HS3ST4: variants seen among roughly 807,000 people sequenced by gnomAD.
HS3ST4 encodes the protein heparan sulfate glucosamine 3-O-sulfotransferase 4.
Under a neutral mutation model 29.2 loss-of-function variants are expected in HS3ST4, and 17 were observed. The observed-to-expected ratio is 0.58, with a 90% CI of 0.40 to 0.87. The LOEUF is 0.87. HS3ST4 is among the 40% of genes least tolerant of loss of function. The pLI is 0.00. For missense variants in HS3ST4, 627 were observed against 634.5 expected (o/e 0.99, Z 0.13); for synonymous variants, 314 against 285.7 (o/e 1.10, Z -1.00).
At chr16:25,817,846 A>T (rs1967110048) in intron 1 of HS3ST4, among the ~76,000 whole-genome samples, 1 of 152,226 alleles carries the variant, frequency 6.6e-6, no homozygotes, top group African/African-American at 2.4e-5. Flanking sequence ...GGCTAGGGAT[A>T]TAGATCCAGT....
At chr16:25,839,762 T>A (rs183459259) in intron 1 of HS3ST4, among the ~76,000 whole-genome samples, 6 of 152,310 alleles carry the variant, frequency 3.9e-5, no homozygotes, top group Admixed American at 3.3e-4. Flanking sequence ...TAGGATGGAT[T>A]TTTCTGCCTT....
At position 25,692,495 on chromosome 16, in the gene HS3ST4, TG is replaced by T; in HGVS notation, c.79del (p.Ala27LeufsTer123). On this transcript the variant is annotated frameshift_variant, in exon 1 of 2. Transcript: ENST00000331351. LOFTEE classifies it high-confidence loss of function. Reference protein sequence around the residue: ...LAAPPPPGASAKGPPARKLLF... With the variant: ...LAAPPPPGASXKGPPARKLLF... The stretch of plus-strand genomic sequence containing the variant: ...CCGCGCCGCCGCCGCCCGGCGCCTC[TG>T]CTAAGGGGCCGCCGGCGCGCAAGCT... 7.2e-7 allele frequency: 1 copy of T among 1,382,766 alleles called. No individual in the cohort carries two copies. The highest frequency in any genetic ancestry group is 9.5e-7 in the Non-Finnish European group (1 of 1,053,558). The allele number at this position is 1,382,766 out of a possible 1,614,324, so 85.7% of individuals were successfully genotyped here.
At chr16:26,021,985 C>G (rs997795769) in intron 1 of HS3ST4, among the ~76,000 whole-genome samples, 4 of 150,378 alleles carry the variant, frequency 2.7e-5, no homozygotes, top group Admixed American at 2.6e-4. Flanking sequence ...TTTTGGGGGA[C>G]AGGGTCTTGC....
chr16:25,749,901 G>A (rs1966708252), intron 1 of HS3ST4, among the ~76,000 whole-genome samples: 1 of 152,164 alleles, frequency 6.6e-6, no homozygotes, highest in Admixed American at 6.5e-5. Flanking sequence ...ATTCACCGAA[G>A]TAACAGTAGG....
rs1352591423 is a variant in HS3ST4, at chr16:25,984,183, A to G, written c.735-151429A>G. Among the ~76,000 whole-genome samples, 9 of 152,082 alleles carry G rather than the reference A, an allele frequency of 5.9e-5. No homozygotes were observed. The South Asian group carries it at 1.7e-3, about 28-fold the overall frequency. On this transcript the variant is annotated intron_variant, in intron 1 of 1. Transcript: ENST00000331351. The stretch of plus-strand genomic sequence containing the variant: ...CACTAGAACTTATTCCTCCTATCTC[A>G]CTATAATTTTGTATCTTTTAACACA...
Position 25,844,347 on chromosome 16 carries a change from T to A in HS3ST4, c.734+151196T>A, listed in dbSNP as rs538411383. ...AATTTATTTTTATTCATCCAGGGAT[T>A]CTTTACTGAGTGCTAGTTTATCTGA... is the stretch of plus-strand genomic sequence containing the variant. On this transcript the variant is annotated intron_variant, in intron 1 of 1. Coordinates refer to ENST00000331351, the MANE Select transcript of HS3ST4 (RefSeq NM_006040.3). Among the ~76,000 whole-genome samples, 13 of 152,360 alleles carry A rather than the reference T, an allele frequency of 8.5e-5. No homozygotes were observed. In the South Asian group the frequency reaches 2.7e-3, roughly 32 times the overall value.
intron 1 of HS3ST4, among the ~76,000 whole-genome samples, chr16:26,044,939 C>G (rs1337811870): frequency 6.6e-6 from 1 of 152,120 alleles, no homozygotes; most frequent in Non-Finnish European, 1.5e-5. Context: ...AGACCCTGGA[C>G]AGGATTGATT....
intron 1 of HS3ST4, among the ~76,000 whole-genome samples, chr16:25,925,714 C>T (rs1379087939): frequency 2.0e-5 from 3 of 152,152 alleles, no homozygotes; most frequent in African/African-American, 4.8e-5. Context: ...ATGTGTCTTT[C>T]GCAAAGCCAA....
intron 1 of HS3ST4, among the ~76,000 whole-genome samples, chr16:26,098,711 T>C (rs1898957466): frequency 1.3e-5 from 2 of 151,960 alleles, no homozygotes; most frequent in Non-Finnish European, 2.9e-5. Flanking sequence ...TGTGCACATG[T>C]ACCCCAGAAC....
chr16:26,049,631 G>T (rs1310614625), intron 1 of HS3ST4, among the ~76,000 whole-genome samples: 1 of 152,062 alleles, frequency 6.6e-6, no homozygotes, highest in Non-Finnish European at 1.5e-5. Context: ...AAGCAATTCT[G>T]CAGTGGACAC....
chr16:25,870,000 CT>C (rs1967732862), intron 1 of HS3ST4, among the ~76,000 whole-genome samples: 1 of 152,182 alleles, frequency 6.6e-6, no homozygotes, highest in South Asian at 2.1e-4. Flanking sequence ...ATCTCTATCT[CT>C]GAGATATTCA....
At chr16:25,907,815 A>T (rs980891465) in intron 1 of HS3ST4, among the ~76,000 whole-genome samples, 1 of 152,228 alleles carries the variant, frequency 6.6e-6, no homozygotes, top group Non-Finnish European at 1.5e-5. Flanking sequence ...TGGAAGAAAG[A>T]CTGTGATAAA....
intron 1 of HS3ST4, among the ~76,000 whole-genome samples, chr16:25,700,707 T>C (rs958731688): frequency 9.2e-5 from 14 of 152,298 alleles, no homozygotes; most frequent in African/African-American, 3.4e-4. Flanking sequence ...CCTGATTTCA[T>C]TGGTTTTTGC....
intron 1 of HS3ST4, among the ~76,000 whole-genome samples, chr16:25,715,373 T>G (rs1228934710): frequency 1.3e-5 from 2 of 151,554 alleles, no homozygotes; most frequent in Non-Finnish European, 2.9e-5. Context: ...TCAGCGCCTT[T>G]TGTGCCCCAG....
intron 1 of HS3ST4, among the ~76,000 whole-genome samples, chr16:25,995,263 A>G (rs1969148903): frequency 6.6e-6 from 1 of 152,214 alleles, no homozygotes; most frequent in South Asian, 2.1e-4. Flanking sequence ...GATTTAAGTA[A>G]ATAAGAGAAT....
intron 1 of HS3ST4, among the ~76,000 whole-genome samples, chr16:25,893,987 G>C (rs1968035695): frequency 6.6e-6 from 1 of 152,166 alleles, no homozygotes; most frequent in Non-Finnish European, 1.5e-5. Context: ...TTTTAAACCA[G>C]GGCGATTTCT....
Position 26,051,901 on chromosome 16 carries a change from C to A in HS3ST4, c.735-83711C>A, listed in dbSNP as rs58296496. On this transcript the variant is annotated intron_variant, in intron 1 of 1. Coordinates refer to ENST00000331351, the MANE Select transcript of HS3ST4 (RefSeq NM_006040.3). ...CCCTGCCTCCCTCCCTCCCTCCCTC[C>A]CTCCCTCCCTCCCTTCCTTCCTTCC... 2.5e-3 allele frequency among the ~76,000 whole-genome samples: 313 copies of A among 124,654 alleles called. 4 individuals are homozygous for A. The East Asian group carries it at 0.066, about 26-fold the overall frequency. The allele number at this position is 124,654 out of a possible 152,430, so 81.8% of individuals were successfully genotyped here.
intron 1 of HS3ST4, among the ~76,000 whole-genome samples, chr16:25,933,847 G>C (rs1968489188): frequency 6.6e-6 from 1 of 152,048 alleles, no homozygotes; most frequent in Non-Finnish European, 1.5e-5. Context: ...GGAACTCATA[G>C]AGCGAGAACC....
chr16:25,993,752 A>G lies in HS3ST4; in HGVS notation c.735-141860A>G, dbSNP rs117779003. On this transcript the variant is annotated intron_variant, in intron 1 of 1. Coordinates refer to ENST00000331351, the MANE Select transcript of HS3ST4 (RefSeq NM_006040.3). ...GTGGGTTGCTGACTGACAACCTGGA[A>G]TCTCTCTTGTCTTAGTCAACTCAGG... Among the ~76,000 whole-genome samples, 813 of 152,092 alleles carry G rather than the reference A, an allele frequency of 5.3e-3. 7 individuals are homozygous for G. Among genetic ancestry groups the G allele is most frequent in the Non-Finnish European group, 8.8e-3 (596 of 67,996 alleles).
Sources: gnomAD v4.1 joint callset for allele counts (sites outside exome capture counted in the v4.1 genomes callset) on GRCh38, gnomAD v4.1.1 for gene constraint, MANE v1.5 for transcripts, NCBI Gene and HGNC (gene_info 2026-07-23, HGNC 2026-07-21) for gene names.